The following NRXN1 variants were observed in gnomAD, a reference collection of about 807,000 sequenced individuals.
NRXN1 encodes the protein neurexin-1.
Under a neutral mutation model 150.9 loss-of-function variants are expected in NRXN1, and 39 were observed. The observed-to-expected ratio is 0.26, with a 90% CI of 0.20 to 0.34. The LOEUF is 0.34. NRXN1 is among the 10% of genes least tolerant of loss of function. NRXN1 has a pLI of 1.00. For synonymous variants in NRXN1, 924 were observed against 757.0 expected (o/e 1.22, Z -3.62); for missense variants, 1,815 against 1,949.9 (o/e 0.93, Z 1.30).
intron 2 of NRXN1, among the ~76,000 whole-genome samples, chr2:51,010,291 C>A (rs921953426): frequency 6.6e-6 from 1 of 151,984 alleles, no homozygotes; most frequent in Non-Finnish European, 1.5e-5. Context: ...CAGCAAAACA[C>A]CTGGTCTTTA....
chr2:50,945,610 TAACCCTGAGC>T (rs1462334663), intron 2 of NRXN1, among the ~76,000 whole-genome samples: 3 of 151,842 alleles, frequency 2.0e-5, no homozygotes, highest in African/African-American at 7.3e-5. Context: ...ATAGTTTGTT[TAACCCTGAGC>T]CATAGTTTGC....
intron 9 of NRXN1, among the ~76,000 whole-genome samples, chr2:50,545,980 G>A (rs1006133695): frequency 5.3e-5 from 8 of 152,048 alleles, no homozygotes; most frequent in African/African-American, 1.7e-4. Context: ...AAAAATGTCT[G>A]TATATATTCA....
At chr2:50,671,944 G>C (rs956859446) in intron 5 of NRXN1, among the ~76,000 whole-genome samples, 20 of 151,722 alleles carry the variant, frequency 1.3e-4, no homozygotes, top group African/African-American at 4.1e-4. Context: ...ATCTTCTATT[G>C]TCATTACATT....
At chr2:50,688,681 T>C (rs1691617481) in intron 5 of NRXN1, among the ~76,000 whole-genome samples, 1 of 150,572 alleles carries the variant, frequency 6.6e-6, no homozygotes, top group African/African-American at 2.4e-5. Context: ...AGTATGACAA[T>C]GGGCATTTTT....
chr2:50,504,503 A>G (rs562180557), intron 13 of NRXN1, among the ~76,000 whole-genome samples: 2 of 152,294 alleles, frequency 1.3e-5, no homozygotes, highest in East Asian at 3.9e-4. Flanking sequence ...GTATAAGGGT[A>G]TTCTTTGTAT....
rs1055953523 is a variant in NRXN1, at chr2:50,829,354, C to A, written c.832+92515G>T. 5.9e-5 allele frequency: 50 copies of A among 844,648 alleles called. 4 individuals carry two copies. In the South Asian group the frequency reaches 7.9e-4, roughly 13 times the overall value. The allele number at this position is 844,648 out of a possible 1,614,324, so 52.3% of individuals were successfully genotyped here. On this transcript the variant is annotated intron_variant, in intron 5 of 22. Transcript: ENST00000401669. ...CATGTTGATCAGGACAGTCAAACTC[C>A]CAAACTCAGGTGATCCGCCCGCCTC...
intron 18 of NRXN1, among the ~76,000 whole-genome samples, chr2:50,228,042 G>A (rs1474810821): frequency 6.6e-6 from 1 of 152,022 alleles, no homozygotes; most frequent in Non-Finnish European, 1.5e-5. Flanking sequence ...AATGAGAGGT[G>A]TTGTTAAGTG....
intron 21 of NRXN1, among the ~76,000 whole-genome samples, chr2:50,009,656 C>T (rs1052746334): frequency 1.3e-5 from 2 of 151,932 alleles, no homozygotes; most frequent in Non-Finnish European, 2.9e-5. Context: ...TAAAATCGTA[C>T]AAAAAGAGAG....
chr2:50,351,258 C>T (rs1270666889), intron 17 of NRXN1, among the ~76,000 whole-genome samples: 3 of 152,124 alleles, frequency 2.0e-5, no homozygotes, highest in Admixed American at 6.5e-5. Context: ...TCAGCACAGA[C>T]AGTGCGATGT....
chr2:50,899,726 T>C (rs1165301036), intron 5 of NRXN1, among the ~76,000 whole-genome samples: 2 of 152,188 alleles, frequency 1.3e-5, no homozygotes, highest in Non-Finnish European at 2.9e-5. Flanking sequence ...AAAGAATTTA[T>C]AGGTTCTTAT....
intron 5 of NRXN1, among the ~76,000 whole-genome samples, chr2:50,819,612 A>T (rs550857406): frequency 3.3e-5 from 5 of 152,082 alleles, no homozygotes; most frequent in Non-Finnish European, 5.9e-5. Context: ...CTTCCCTACA[A>T]CAATGTTCAT....
chr2:49,975,313 A>G (rs1263507312), intron 21 of NRXN1, among the ~76,000 whole-genome samples: 1 of 151,958 alleles, frequency 6.6e-6, no homozygotes, highest in African/African-American at 2.4e-5. Context: ...TTCATTGCCC[A>G]GTTTTCATAC....
chr2:49,999,458 C>T (rs1322300266), intron 21 of NRXN1, among the ~76,000 whole-genome samples: 1 of 152,072 alleles, frequency 6.6e-6, no homozygotes, highest in Non-Finnish European at 1.5e-5. Context: ...GGAACCAAGT[C>T]TTACATATCT....
intron 5 of NRXN1, among the ~76,000 whole-genome samples, chr2:50,896,216 C>T (rs1282383666): frequency 1.3e-5 from 2 of 152,060 alleles, no homozygotes; most frequent in African/African-American, 2.4e-5. Flanking sequence ...TCACTCAACG[C>T]TACATCTTCC....
In NRXN1 at chr2:50,347,017, C is replaced by A. The variant is rs1291177758; in HGVS notation, c.3365-110047G>T. ...TTTGGGGCGCGGGGAGAGGAGAGGG[C>A]GCAGGGGAGCGGGCGGCGCGGAGTG... On this transcript the variant is annotated intron_variant, in intron 17 of 22. Transcript: ENST00000401669. The surrounding 1 kb of genome is among the most constrained non-coding windows in gnomAD (Gnocchi z 4.9). 2 of 1,388,164 alleles carry A rather than the reference C, an allele frequency of 1.4e-6. No homozygotes were observed. Among genetic ancestry groups the A allele is most frequent in the African/African-American group, 1.5e-5 (1 of 65,428 alleles). The allele number at this position is 1,388,164 out of a possible 1,614,324, so 86.0% of individuals were successfully genotyped here.
intron 15 of NRXN1, among the ~76,000 whole-genome samples, chr2:50,490,180 G>A (rs567752813): frequency 1.4e-4 from 22 of 152,300 alleles, no homozygotes; most frequent in Non-Finnish European, 2.9e-4. Flanking sequence ...TGCCTCAAAA[G>A]TGGTGTCTTT....
In NRXN1 at chr2:50,319,354, C is replaced by G. The variant is rs1355387044; in HGVS notation, c.3365-82384G>C. 2.0e-5 allele frequency among the ~76,000 whole-genome samples: 3 copies of G among 152,140 alleles called. No individual in the cohort carries two copies. In the East Asian group the frequency reaches 5.8e-4, roughly 29 times the overall value. On this transcript the variant is annotated intron_variant, in intron 17 of 22. Transcript: ENST00000401669. ...TAGCATAAAGTTACACTGGCTGATA[C>G]TCACAGTCATTTGTATAGCCATTGC...
intron 21 of NRXN1, among the ~76,000 whole-genome samples, chr2:50,028,731 T>C (rs958916592): frequency 1.3e-5 from 2 of 152,232 alleles, no homozygotes; most frequent in Non-Finnish European, 1.5e-5. Context: ...TCTAGAAATA[T>C]CTGTCCTTAA....
At chr2:50,990,522 T>G (rs1698390432) in intron 2 of NRXN1, among the ~76,000 whole-genome samples, 1 of 152,020 alleles carries the variant, frequency 6.6e-6, no homozygotes, top group Non-Finnish European at 1.5e-5. Flanking sequence ...GAAGAAACAC[T>G]TACATAAACA....
Sources: allele counts gnomAD v4.1 joint callset (sites outside exome capture counted in the v4.1 genomes callset), GRCh38; gene constraint gnomAD v4.1.1; non-coding constraint Gnocchi (gnomAD v3.1); transcripts MANE v1.5; gene names NCBI Gene and HGNC (gene_info 2026-07-23, HGNC 2026-07-21).